THBS3: variants seen among roughly 807,000 people sequenced by gnomAD.
THBS3 encodes thrombospondin 3, also known as thrombospondin-3.
In THBS3, 78 loss-of-function variants were observed where a neutral mutation model predicts 118.3. The observed-to-expected ratio is 0.66, with a 90% CI of 0.55 to 0.80. The LOEUF (loss-of-function observed/expected upper bound fraction) is 0.80. Ranked by LOEUF, THBS3 falls within the 30% of genes least tolerant of loss-of-function variation. The pLI is 0.00. For missense variants in THBS3, 1,057 were observed against 1,247.4 expected (o/e 0.85, Z 2.30); for synonymous variants, 427 against 475.3 (o/e 0.90, Z 1.32).
chr1:155,207,899 C>T, upstream of THBS3: 4 of 1,612,934 alleles, frequency 2.5e-6, no homozygotes, highest in Non-Finnish European at 3.4e-6. Context: ...GCTCACTACC[C>T]CTGGCAGGCA....
rs373365247 is a variant in THBS3, at chr1:155,200,958, T to A, written c.1487A>T (p.Asn496Ile). Residue 496 changes from asparagine to isoleucine, a missense_variant, in exon 13 of 23, where the codon AAT becomes ATT. Asn to Ile is a moderately radical substitution (Grantham distance 149). Transcript: ENST00000368378. ...ATCACACTGGTCCCCCACACCATCA[T>A]TATCAGCATCTTCCTGCCCAGAGTT... The part of the protein sequence containing the change: ...TPNSGQEDAD[N>I]DGVGDQCDDD... 2 of 1,614,018 alleles carry A rather than the reference T, an allele frequency of 1.2e-6. No individual in the cohort carries two copies. Among genetic ancestry groups the A allele is most frequent in the Admixed American group, 3.3e-5 (2 of 59,992 alleles).
In THBS3 at chr1:155,200,625, G is replaced by A; in HGVS notation, c.1549-15C>T. 1.2e-6 allele frequency: 2 copies of A among 1,612,946 alleles called. No individual in the cohort carries two copies. The highest frequency in any genetic ancestry group is 1.7e-6 in the Non-Finnish European group (2 of 1,179,286). ...CGGCAGTTGTCCTGGGCAGAGGGGT[G>A]GGAGGGGAAGGGTCAGGTCTCCCCT... On this transcript the variant is annotated splice_polypyrimidine_tract_variant and intron_variant, in intron 13 of 22. Coordinates refer to ENST00000368378, the MANE Select transcript of THBS3 (RefSeq NM_007112.5).
At chr1:155,196,158 T>C (rs1444585361) in intron 21 of THBS3, 32 bp from the exon 22 acceptor site, 1 of 1,612,976 alleles carries the variant, frequency 6.2e-7, no homozygotes. Flanking sequence ...GAGTATCCAT[T>C]GGTGCTAGGG....
In THBS3 at chr1:155,204,931, A is replaced by C. The variant is rs1326408963; in HGVS notation, c.570T>G (p.Ile190Met). The C allele has an allele frequency of 8.1e-6, 13 of 1,613,856 alleles. No homozygotes were observed. Among genetic ancestry groups the C allele is most frequent in the Non-Finnish European group, 1.1e-5 (13 of 1,180,040 alleles). The change falls in exon 4 of 23, where the codon ATT becomes ATG. Residue 190 changes from isoleucine (I) to methionine (M), a missense_variant. Ile to Met is a conservative substitution (Grantham distance 10, BLOSUM62 1). Around this residue, in one of 3 missense-constraint regions of THBS3, gnomAD observed 544 missense variants for 715.6 expected, o/e 0.76. Coordinates refer to ENST00000368378, the MANE Select transcript of THBS3 (RefSeq NM_007112.5). Reference sequence around the variant, plus strand: ...CTACCCGGGCCATGGACCCACCCAGAATAATTTTCATAGATTCCACAAAGC... The same window carrying C: ...CTACCCGGGCCATGGACCCACCCAGCATAATTTTCATAGATTCCACAAAGC... ...MQGFVESMKI[I>M]LGGSMARVGA...
rs529394650 is a variant in THBS3, at chr1:155,202,739, C to T, written c.957+73G>A. Reference sequence around the variant, plus strand: ...TCCTCTCCTCCGGACCAGCATTTATCCCACCCTCTTGGGTGCCTCCTGACA... The same window carrying T: ...TCCTCTCCTCCGGACCAGCATTTATTCCACCCTCTTGGGTGCCTCCTGACA... On this transcript the variant is annotated intron_variant, in intron 8 of 22. Coordinates refer to ENST00000368378, the MANE Select transcript of THBS3 (RefSeq NM_007112.5). This position sits in a 1 kb window ranked among gnomAD's most constrained non-coding sequence, Gnocchi z 5.5. 126 of 1,538,086 alleles carry T rather than the reference C, an allele frequency of 8.2e-5. No homozygotes were observed. The African/African-American group carries it at 1.6e-3, about 20-fold the overall frequency.
At position 155,201,018 on chromosome 1, in the gene THBS3, G is replaced by T. The variant is rs1317484355; in HGVS notation, c.1441-14C>A. The T allele has an allele frequency of 6.2e-7, 1 of 1,614,080 alleles. No homozygotes were observed. Among genetic ancestry groups the T allele is most frequent in the Non-Finnish European group, 8.5e-7 (1 of 1,180,044 alleles). On this transcript the variant is annotated splice_polypyrimidine_tract_variant and intron_variant, in intron 12 of 22. Transcript: ENST00000368378. Reference sequence around the variant, plus strand: ...AAGGCAGTTGTCCTAAAGTTCAGGGGAAGAGGATGGATGAGTTCTGGCCTG... The same window carrying T: ...AAGGCAGTTGTCCTAAAGTTCAGGGTAAGAGGATGGATGAGTTCTGGCCTG...
intron 6 of THBS3, 32 bp downstream of exon 6, chr1:155,203,191 A>C: frequency 6.2e-7 from 1 of 1,614,204 alleles, no homozygotes; most frequent in Non-Finnish European, 8.5e-7. Context: ...CTACCCCAGA[A>C]TCAGTGCCAC....
Position 155,197,139 on chromosome 1 carries a change from C to A in THBS3, c.2574G>T (p.Gln858His), listed in dbSNP as rs1291444221. 6.2e-7 allele frequency: 1 copy of A among 1,614,114 alleles called. No individual in the cohort carries two copies. The highest frequency in any genetic ancestry group is 8.5e-7 in the Non-Finnish European group (1 of 1,180,052). ...ALWHTGHTPD[Q>H]VRLLWTDPRN... Reference sequence around the variant, plus strand: ...GTGGGTCTGTCCACAGCAGTCGTACCTGATCAGGGGTGTGGCCAGTATGCC... The same window carrying A: ...GTGGGTCTGTCCACAGCAGTCGTACATGATCAGGGGTGTGGCCAGTATGCC... The change falls in exon 21 of 23, where the codon CAG becomes CAT. Residue 858 changes from glutamine to histidine, a missense_variant. By Grantham distance (24) the Gln-to-His change is conservative (BLOSUM62 0). Around this residue, in one of 3 missense-constraint regions of THBS3, gnomAD observed 307 missense variants for 326.1 expected, o/e 0.94. Transcript: ENST00000368378. The surrounding 1 kb of genome is among the most constrained non-coding windows in gnomAD (Gnocchi z 5.0).
chr1:155,204,405 CGTG>C (rs948962897), intron 4 of THBS3, among the ~76,000 whole-genome samples: 1 of 151,898 alleles, frequency 6.6e-6, no homozygotes, highest in African/African-American at 2.4e-5. Flanking sequence ...GCCTGGCCAA[CGTG>C]GTGAAATCCC....
chr1:155,200,785 G>C, intron 13 of THBS3, 112 bp downstream of exon 13: 1 of 1,594,272 alleles, frequency 6.3e-7, no homozygotes, highest in Non-Finnish European at 8.6e-7. Flanking sequence ...TTGCCTCCCT[G>C]ATTTGGAGTA....
chr1:155,203,581 G>A (rs752116746), intron 4 of THBS3, 42 bp from the exon 5 acceptor site: 1 of 1,610,766 alleles, frequency 6.2e-7, no homozygotes, highest in Non-Finnish European at 8.5e-7. Context: ...GTGAGGTGAA[G>A]TGAAGAGAGG....
chr1:155,195,995 C>T lies in THBS3; in HGVS notation c.2804G>A (p.Arg935Gln), dbSNP rs745755628. The change falls in exon 22 of 23, where the codon CGA (arginine) becomes CAA (glutamine). Residue 935 changes from arginine to glutamine, a missense_variant. Physicochemically the swap from Arg to Gln is conservative, Grantham distance 43. Transcript: ENST00000368378. Reference protein sequence around the residue: ...ENIIWSNLQYRCNDTVPEDFE... With the variant: ...ENIIWSNLQYQCNDTVPEDFE... Reference sequence around the variant, plus strand: ...TCAATCAGCCACCTCACCATTGCATCGATACTGGAGATTGGACCAAATTAT... The same window carrying T: ...TCAATCAGCCACCTCACCATTGCATTGATACTGGAGATTGGACCAAATTAT... 15 of 1,614,166 alleles carry T rather than the reference C, an allele frequency of 9.3e-6. No individual in the cohort carries two copies. The Admixed American group carries it at 1.3e-4, about 14-fold the overall frequency.
chr1:155,200,307 T>C (rs1557863084), intron 14 of THBS3, 144 bp downstream of exon 14: 9 of 1,097,768 alleles, frequency 8.2e-6, no homozygotes, highest in African/African-American at 1.6e-5. Flanking sequence ...TGACATCTGC[T>C]GCAGGTAATC....
chr1:155,206,533 G>C lies in THBS3; in HGVS notation c.80-127C>G. 1.3e-6 allele frequency: 1 copy of C among 794,036 alleles called. No individual in the cohort carries two copies. Among genetic ancestry groups the C allele is most frequent in the Non-Finnish European group, 2.0e-6 (1 of 489,570 alleles). 49.2% of individuals were successfully genotyped at this position (794,036 alleles called of 1,614,324 possible). ...TTAGTCACCTCAAAATTCAACCCTTGGCTGGGCATGGTGGCTCGCACCTGT... is the reference window on the plus strand; with the variant it reads ...TTAGTCACCTCAAAATTCAACCCTTCGCTGGGCATGGTGGCTCGCACCTGT... On this transcript the variant is annotated intron_variant, in intron 1 of 22. Transcript: ENST00000368378. This position sits in a 1 kb window ranked among gnomAD's most constrained non-coding sequence, Gnocchi z 4.2.
chr1:155,204,885 A>T lies in THBS3; in HGVS notation c.616T>A (p.Phe206Ile), dbSNP rs1445024629. ...CTGTGGATGGACTCGTCCCCTTGGA[A>T]TGGACACTCACTCAGGGCTCCTACC... Reference protein sequence around the residue: ...ARVGALSECPFQGDESIHSAV... With the variant: ...ARVGALSECPIQGDESIHSAV... Residue 206 changes from phenylalanine (F) to isoleucine (I), a missense_variant, in exon 4 of 23, where the codon TTC becomes ATC. Transcript: ENST00000368378. The T allele has an allele frequency of 6.2e-7, 1 of 1,613,942 alleles. No homozygotes were observed. Among genetic ancestry groups the T allele is most frequent in the South Asian group, 1.1e-5 (1 of 91,074 alleles).
upstream of THBS3, chr1:155,208,714 CT>C: frequency 3.0e-6 from 4 of 1,327,122 alleles, no homozygotes; most frequent in Non-Finnish European, 4.0e-6. Context: ...CCAGCCCGGC[CT>C]CCGCTCCGGC....
At chr1:155,208,669 C>T, upstream of THBS3, 1 of 973,762 alleles carries the variant, frequency 1.0e-6, no homozygotes, top group Non-Finnish European at 1.5e-6. Context: ...TAAGCGACAG[C>T]CTGCGAGCCT....
Position 155,205,268 on chromosome 1 carries a change from A to G in THBS3, c.335T>C (p.Leu112Pro). 6.2e-7 allele frequency: 1 copy of G among 1,614,072 alleles called. No homozygotes were observed. Among genetic ancestry groups the G allele is most frequent in the Non-Finnish European group, 8.5e-7 (1 of 1,180,026 alleles). ...REDGKVHAVN[L>P]QQAGLADGRT... ...CCCATCAGCCAGGCCCGCTTGCTGT[A>G]GGTTCACGGCGTGGACTTTGCCATC... is the stretch of plus-strand genomic sequence containing the variant. Residue 112 changes from leucine to proline, a missense_variant, in exon 3 of 23, where the codon CTA becomes CCA. By Grantham distance (98) the Leu-to-Pro change is moderately conservative (BLOSUM62 -3). This residue lies in a region of THBS3 where 206 missense variants were observed against 205.7 expected (regional missense o/e 1.00). Coordinates refer to ENST00000368378, the MANE Select transcript of THBS3 (RefSeq NM_007112.5).
At position 155,206,349 on chromosome 1, in the gene THBS3, A is replaced by C; in HGVS notation, c.137T>G (p.Ile46Ser). 1 of 1,614,106 alleles carries C rather than the reference A, an allele frequency of 6.2e-7. No homozygotes were observed. Among genetic ancestry groups the C allele is most frequent in the Non-Finnish European group, 8.5e-7 (1 of 1,179,982 alleles). ...SRQMVAVAEK[I>S]RTALLTAGDI... is the part of the protein sequence containing the mutation. ...CCCAGCAGTGAGCAAGGCTGTCCGG[A>C]TCTTCTCTGCCACAGCTACCATCTG... Residue 46 changes from isoleucine to serine, a missense_variant, in exon 2 of 23, where the codon ATC becomes AGC. Around this residue, in one of 3 missense-constraint regions of THBS3, gnomAD observed 206 missense variants for 205.7 expected, o/e 1.00. Transcript: ENST00000368378. This position sits in a 1 kb window ranked among gnomAD's most constrained non-coding sequence, Gnocchi z 4.2.
Sources: gnomAD v4.1 joint callset for allele counts (sites outside exome capture counted in the v4.1 genomes callset) on GRCh38, gnomAD v4.1.1 for gene constraint, gnomAD v4.1.1 regional missense constraint, Gnocchi (gnomAD v3.1) non-coding constraint, MANE v1.5 for transcripts, NCBI Gene and HGNC (gene_info 2026-07-23, HGNC 2026-07-21) for gene names.